Variants in TSPAN14 observed in about 807,000 individuals in gnomAD.
The protein encoded by TSPAN14 is tetraspanin-14.
Under a neutral mutation model 36.6 loss-of-function variants are expected in TSPAN14, and 16 were observed. That is an observed-to-expected ratio of 0.44 (90% CI 0.30 to 0.66). The LOEUF (loss-of-function observed/expected upper bound fraction) is 0.66. TSPAN14 is among the 30% of genes least tolerant of loss of function. TSPAN14 has a pLI of 0.12. For missense variants in TSPAN14, 231 were observed against 355.1 expected, an observed-to-expected ratio of 0.65 and a Z score of 2.81; for synonymous variants, 139 against 143.8, an observed-to-expected ratio of 0.97 and a Z score of 0.24.
intron 1 of TSPAN14, among the ~76,000 whole-genome samples, chr10:80,467,144 A>G (rs988395455): frequency 2.0e-5 from 3 of 152,014 alleles, no homozygotes; most frequent in African/African-American, 7.3e-5. Flanking sequence ...TAGTCTTATA[A>G]TCTCTATTTT....
At chr10:80,489,285 C>T (rs201704385) in exon 2 of TSPAN14, 2 of 1,582,024 alleles carry the variant, frequency 1.3e-6, no homozygotes, top group East Asian at 2.3e-5. Context: ...GTACAAGTAC[C>T]TCCTTTTCAG....
At chr10:80,457,039 G>A (rs1262710058) in intron 1 of TSPAN14, among the ~76,000 whole-genome samples, 1 of 152,008 alleles carries the variant, frequency 6.6e-6, no homozygotes, top group East Asian at 1.9e-4. Flanking sequence ...TCCAGCCTGG[G>A]CAACAAGAAT....
chr10:80,503,073 C>A (rs1848611820), intron 2 of TSPAN14, among the ~76,000 whole-genome samples: 1 of 151,654 alleles, frequency 6.6e-6, no homozygotes, highest in Non-Finnish European at 1.5e-5. Flanking sequence ...TGGCCTCCAG[C>A]TTTGGCAAGA....
intron 2 of TSPAN14, among the ~76,000 whole-genome samples, chr10:80,490,997 C>G (rs1847891683): frequency 6.6e-6 from 1 of 152,172 alleles, no homozygotes; most frequent in Non-Finnish European, 1.5e-5. Flanking sequence ...GATTTGGCAT[C>G]TCCTATGGGG....
intron 3 of TSPAN14, among the ~76,000 whole-genome samples, chr10:80,506,161 T>TG (rs372084991): frequency 1.3e-5 from 2 of 152,174 alleles, no homozygotes; most frequent in Non-Finnish European, 2.9e-5. Flanking sequence ...TAGGTAGAGA[T>TG]GGGGTTTTGC....
At chr10:80,492,903 T>C (rs1442287997) in intron 2 of TSPAN14, among the ~76,000 whole-genome samples, 1 of 152,216 alleles carries the variant, frequency 6.6e-6, no homozygotes, top group Non-Finnish European at 1.5e-5. Flanking sequence ...GCTCTCTTTC[T>C]GACTTTGGGG....
chr10:80,480,499 T>C (rs1847203465), intron 1 of TSPAN14, among the ~76,000 whole-genome samples: 1 of 152,224 alleles, frequency 6.6e-6, no homozygotes, highest in South Asian at 2.1e-4. Flanking sequence ...ATTACGGCAC[T>C]ATTCACAATA....
chr10:80,465,149 C>T (rs1475436736), intron 1 of TSPAN14, among the ~76,000 whole-genome samples: 2 of 152,108 alleles, frequency 1.3e-5, no homozygotes, highest in Admixed American at 6.5e-5. Context: ...TTGTCGGCCA[C>T]CTGCCCACTG....
exon 9 of TSPAN14, chr10:80,522,079 A>G (rs1841293563): frequency 6.6e-6 from 1 of 152,236 alleles, no homozygotes; most frequent in Non-Finnish European, 1.5e-5. Context: ...GAAATTGCCA[A>G]CTTCAGGGAG....
At position 80,489,325 on chromosome 10, in the gene TSPAN14, G is replaced by C; in HGVS notation, c.81+11G>C. The C allele has an allele frequency of 1.3e-6, 2 of 1,518,946 alleles. No homozygotes were observed. The highest frequency in any genetic ancestry group is 1.8e-6 in the Non-Finnish European group (2 of 1,112,928). 94.1% of individuals were successfully genotyped at this position (1,518,946 alleles called of 1,614,324 possible). ...AACATCATCTTCTGGGTAAGTGGAT[G>C]AGAGCTGCCACATTCCCTTGTTTAG... On this transcript the variant is annotated intron_variant, in intron 2 of 8. Transcript: ENST00000429989.
intron 8 of TSPAN14, among the ~76,000 whole-genome samples, chr10:80,517,223 G>A (rs930737958): frequency 7.2e-5 from 11 of 152,186 alleles, no homozygotes; most frequent in Non-Finnish European, 2.9e-5. Flanking sequence ...TAAGAAATAG[G>A]AGGAAGCAAC....
intron 1 of TSPAN14, among the ~76,000 whole-genome samples, chr10:80,457,821 G>C (rs1845800697): frequency 6.6e-6 from 1 of 152,210 alleles, no homozygotes; most frequent in South Asian, 2.1e-4. Flanking sequence ...CAATCCCCAG[G>C]TCTCAGAGGC....
At chr10:80,520,377 C>G (rs1841197084) in exon 9 of TSPAN14, 1 of 392,994 alleles carries the variant, frequency 2.5e-6, no homozygotes, top group South Asian at 2.0e-5. Context: ...AGGATGAGAG[C>G]CGGTCACGTG....
chr10:80,505,482 A>G (rs543331566), intron 3 of TSPAN14, among the ~76,000 whole-genome samples: 4 of 152,280 alleles, frequency 2.6e-5, no homozygotes, highest in Admixed American at 6.5e-5. Flanking sequence ...CTGGCCAGAA[A>G]GAGCCAGGAA....
At chr10:80,457,791 A>C (rs1268698659) in intron 1 of TSPAN14, among the ~76,000 whole-genome samples, 1 of 152,236 alleles carries the variant, frequency 6.6e-6, no homozygotes, top group East Asian at 1.9e-4. Context: ...TGGACAGATC[A>C]CGGTTTGCTG....
rs867145932 is a variant in TSPAN14 at position 80,489,596 on chromosome 10, C to G, written c.81+282C>G. On this transcript the variant is annotated intron_variant, in intron 2 of 8. Transcript: ENST00000429989. ...TGCCTGTCTGTCTCCCCTACCTGCC[C>G]CCTGTTCCGATCCTGGGAGTGCCCC... is the stretch of plus-strand genomic sequence containing the variant. Among the ~76,000 whole-genome samples, 3 of 152,242 alleles carry G rather than the reference C, an allele frequency of 2.0e-5. No individual in the cohort carries two copies. The South Asian group carries it at 6.2e-4, about 31-fold the overall frequency.
At chr10:80,499,279 T>C (rs1224721379) in intron 2 of TSPAN14, among the ~76,000 whole-genome samples, 4 of 152,186 alleles carry the variant, frequency 2.6e-5, no homozygotes, top group Non-Finnish European at 5.9e-5. Flanking sequence ...GGATTTCTTG[T>C]GTCTGGACTC....
intron 1 of TSPAN14, among the ~76,000 whole-genome samples, chr10:80,477,349 A>G (rs552539661): frequency 6.6e-6 from 1 of 152,354 alleles, no homozygotes; most frequent in Admixed American, 6.5e-5. Context: ...GTGGCAATTA[A>G]AAATACTTTG....
chr10:80,511,222 A>T (rs74143159), intron 5 of TSPAN14, among the ~76,000 whole-genome samples: 7,058 of 152,276 alleles, frequency 0.046, 549 homozygotes, highest in African/African-American at 0.16. Context: ...CTTTGTAGCC[A>T]CACCAGATGC....
Sources: gnomAD v4.1 joint callset for allele counts (sites outside exome capture counted in the v4.1 genomes callset) on GRCh38, gnomAD v4.1.1 for gene constraint, MANE v1.5 for transcripts, NCBI Gene and HGNC (gene_info 2026-07-23, HGNC 2026-07-21) for gene names.